Variants in CUL2 observed in about 807,000 individuals in gnomAD.
CUL2 encodes cullin 2.
Under a neutral mutation model 110.2 loss-of-function variants are expected in CUL2, and 22 were observed. That is an observed-to-expected ratio of 0.20 (90% CI 0.14 to 0.28). The LOEUF (loss-of-function observed/expected upper bound fraction) is 0.28. CUL2 is among the 10% of genes least tolerant of loss of function. The pLI, the probability that CUL2 is intolerant of heterozygous loss-of-function variation, is 1.00. For missense variants in CUL2, 631 were observed against 905.5 expected (o/e 0.70, Z 3.89); for synonymous variants, 279 against 293.2 (o/e 0.95, Z 0.49).
At chr10:35,124,406 T>C (rs565257327) in intron 1 of CUL2, among the ~76,000 whole-genome samples, 3 of 151,680 alleles carry the variant, frequency 2.0e-5, no homozygotes, top group South Asian at 2.1e-4. Flanking sequence ...AGAGACTCCA[T>C]GTCTACATAT....
intron 1 of CUL2, among the ~76,000 whole-genome samples, chr10:35,116,861 G>A (rs988210463): frequency 2.0e-5 from 3 of 151,934 alleles, no homozygotes; most frequent in African/African-American, 7.3e-5. Flanking sequence ...GGAGGCTGAG[G>A]TGGGAGAATC....
chr10:35,114,237 T>G (rs2087562237), intron 1 of CUL2, among the ~76,000 whole-genome samples: 1 of 150,774 alleles, frequency 6.6e-6, no homozygotes, highest in East Asian at 2.0e-4. Flanking sequence ...TTTTTTCTTT[T>G]TCTTTTAGTA....
chr10:35,065,155 C>T (rs1476745907), intron 2 of CUL2, among the ~76,000 whole-genome samples: 3 of 152,258 alleles, frequency 2.0e-5, no homozygotes, highest in East Asian at 1.9e-4. Flanking sequence ...AACCAGGAAA[C>T]GTTTAGCCCT....
At chr10:35,114,079 T>G (rs965353898) in intron 1 of CUL2, among the ~76,000 whole-genome samples, 1 of 143,752 alleles carries the variant, frequency 7.0e-6, no homozygotes, top group African/African-American at 2.5e-5. Flanking sequence ...GGCTAATTTT[T>G]GGGTTTTTTT....
At chr10:35,122,948 C>T (rs917622122) in intron 1 of CUL2, among the ~76,000 whole-genome samples, 12 of 152,080 alleles carry the variant, frequency 7.9e-5, no homozygotes, top group African/African-American at 2.9e-4. Flanking sequence ...GGCCAATATC[C>T]CCATTTTAGA....
Position 35,009,220 on chromosome 10 carries a change from T to A in CUL2, c.*1091A>T, listed in dbSNP as rs1183141969. 3.4e-5 allele frequency: 5 copies of A among 145,548 alleles called. 1 individual carries two copies. The South Asian group carries it at 8.6e-4, about 25-fold the overall frequency. The allele number at this position is 145,548 out of a possible 1,614,324, so 9.0% of individuals were successfully genotyped here. On this transcript the variant is annotated 3_prime_UTR_variant, in exon 21 of 21. Coordinates refer to ENST00000374749, the MANE Select transcript of CUL2 (RefSeq NM_003591.4). ...TATATATTATATATATATATATATA[T>A]AAAATAAACAAAATAATGGGATTTA...
Position 35,111,209 on chromosome 10 carries a change from T to G in CUL2, c.-50-10149A>C, listed in dbSNP as rs117566261. 7.8e-3 allele frequency among the ~76,000 whole-genome samples: 1,182 copies of G among 152,200 alleles called. 8 individuals are homozygous for G. Among genetic ancestry groups the G allele is most frequent in the Non-Finnish European group, 0.013 (874 of 68,000 alleles). ...GCAAGTTTACAGGGAGAACAAGAAT[T>G]ATGAGATTAAATGATTCTTTAAGAA... On this transcript the variant is annotated intron_variant, in intron 1 of 5. Transcript: ENST00000685421.
intron 15 of CUL2, among the ~76,000 whole-genome samples, chr10:35,029,134 T>C (rs1377267978): frequency 2.0e-5 from 3 of 151,672 alleles, no homozygotes; most frequent in Non-Finnish European, 4.4e-5. Flanking sequence ...CTCCGCTCAC[T>C]GCAACCTCCG....
At chr10:35,068,109 CAAA>C (rs35151461) in intron 2 of CUL2, among the ~76,000 whole-genome samples, 4 of 93,602 alleles carry the variant, frequency 4.3e-5, no homozygotes, top group Non-Finnish European at 4.5e-5. Flanking sequence ...GACTCCGTCT[CAAA>C]AAAAAAAAAA....
intron 1 of CUL2, among the ~76,000 whole-genome samples, chr10:35,109,952 T>C (rs866272890): frequency 6.6e-6 from 1 of 152,114 alleles, no homozygotes; most frequent in Non-Finnish European, 1.5e-5. Context: ...GGCAGGAGGA[T>C]TGCTTCAGGC....
At chr10:35,055,466 C>T (rs2086219058) in intron 4 of CUL2, among the ~76,000 whole-genome samples, 2 of 152,210 alleles carry the variant, frequency 1.3e-5, no homozygotes, top group African/African-American at 4.8e-5. Flanking sequence ...GGCGTCGGGG[C>T]TCACGCCTGT....
chr10:35,025,035 G>T, intron 17 of CUL2, 97 bp downstream of exon 17: 1 of 1,357,476 alleles, frequency 7.4e-7, no homozygotes, highest in Non-Finnish European at 9.5e-7. Context: ...AGGAGAAAAG[G>T]TTAAAAACTG....
intron 6 of CUL2, among the ~76,000 whole-genome samples, chr10:35,046,608 T>C (rs1343143000): frequency 7.2e-5 from 11 of 152,166 alleles, no homozygotes; most frequent in Non-Finnish European, 1.6e-4. Context: ...AACTGGGTTA[T>C]TGGCCAGGCG....
intron 9 of CUL2, among the ~76,000 whole-genome samples, chr10:35,037,205 C>A (rs1359671825): frequency 6.6e-6 from 1 of 152,092 alleles, no homozygotes; most frequent in African/African-American, 2.4e-5. Context: ...TATATGGTAT[C>A]TTGAGGTAGT....
intron 1 of CUL2, chr10:35,074,275 C>T (rs369276040): frequency 2.2e-5 from 30 of 1,364,996 alleles, no homozygotes; most frequent in Middle Eastern, 1.8e-4. Context: ...TCAGTTTGGG[C>T]TCAACTGCAA....
intron 4 of CUL2, among the ~76,000 whole-genome samples, 175 bp downstream of exon 4, chr10:35,060,699 T>C (rs894848215): frequency 1.3e-5 from 2 of 152,172 alleles, no homozygotes; most frequent in African/African-American, 4.8e-5. Context: ...GGCTCCTAAA[T>C]ACCCACCTTA....
intron 6 of CUL2, among the ~76,000 whole-genome samples, chr10:35,047,886 C>A (rs2134829431): frequency 6.6e-6 from 1 of 151,378 alleles, no homozygotes; most frequent in East Asian, 1.9e-4. Flanking sequence ...GCCTAGTAGA[C>A]AGAGTGGGAA....
intron 9 of CUL2, among the ~76,000 whole-genome samples, chr10:35,038,686 G>T (rs555186560): frequency 1.2e-4 from 18 of 151,484 alleles, no homozygotes; most frequent in Non-Finnish European, 2.7e-4. Context: ...ATTAGCTCTT[G>T]TAATATATAA....
chr10:35,090,246 C>A lies in CUL2; in HGVS notation c.-90G>T. ...GGAGGCAGCCCGAAGGAGTGAAAGA[C>A]GAAGCCCCGGCGAGGAAGGTGGGCG... On this transcript the variant is annotated 5_prime_UTR_variant, in exon 1 of 21. Coordinates refer to ENST00000374749, the MANE Select transcript of CUL2 (RefSeq NM_003591.4). The A allele has an allele frequency of 6.3e-6, 1 of 157,634 alleles. No individual in the cohort carries two copies. The highest frequency in any genetic ancestry group is 1.4e-5 in the Non-Finnish European group (1 of 71,840). The allele number at this position is 157,634 out of a possible 1,614,324, so 9.8% of individuals were successfully genotyped here.
Sources: gnomAD v4.1 joint callset for allele counts (sites outside exome capture counted in the v4.1 genomes callset) on GRCh38, gnomAD v4.1.1 for gene constraint, MANE v1.5 for transcripts, NCBI Gene and HGNC (gene_info 2026-07-23, HGNC 2026-07-21) for gene names.